WWP2: variants seen among roughly 807,000 people sequenced by gnomAD.
WWP2 encodes WW domain containing E3 ubiquitin protein ligase 2.
In WWP2, 57 loss-of-function variants were observed where a neutral mutation model predicts 121.0. The ratio of observed to expected loss-of-function variants is 0.47; its 90% CI spans 0.38 to 0.59. The LOEUF (loss-of-function observed/expected upper bound fraction) is 0.59. Ranked by LOEUF, WWP2 falls within the 20% of genes least tolerant of loss-of-function variation. The pLI, the probability that WWP2 is intolerant of heterozygous loss-of-function variation, is 0.00. For synonymous variants in WWP2, 449 were observed against 441.3 expected (o/e 1.02, Z -0.22); for missense variants, 962 against 1,158.9 (o/e 0.83, Z 2.47).
chr16:69,799,134 G>T lies in WWP2; in HGVS notation c.219-40G>T, dbSNP rs370130499. On this transcript the variant is annotated intron_variant, in intron 3 of 23. Transcript: ENST00000359154. The surrounding 1 kb of genome is among the most constrained non-coding windows in gnomAD (Gnocchi z 4.5). ...ATGTTTTCTTCTAAGTTATAGGAAT[G>T]ATCTGCTTGGATGTAATGAATCAGG... The T allele has an allele frequency of 3.3e-5, 52 of 1,586,396 alleles. No individual in the cohort carries two copies. The East Asian group carries it at 7.6e-4, about 23-fold the overall frequency.
At chr16:69,817,312 G>T (rs990025643) in intron 4 of WWP2, among the ~76,000 whole-genome samples, 2 of 152,106 alleles carry the variant, frequency 1.3e-5, no homozygotes, top group African/African-American at 2.4e-5. Context: ...GCAGTGGTGC[G>T]ATGTTGGCTC....
At chr16:69,795,659 T>TTG (rs1243365273) in intron 2 of WWP2, among the ~76,000 whole-genome samples, 1 of 132,572 alleles carries the variant, frequency 7.5e-6, no homozygotes, top group Non-Finnish European at 1.6e-5. Context: ...GTTTTTTTTT[T>TTG]TTTTTTTTTT....
chr16:69,895,312 G>T (rs7200168), intron 8 of WWP2, among the ~76,000 whole-genome samples: 5,656 of 152,298 alleles, frequency 0.037, 296 homozygotes, highest in African/African-American at 0.12. Flanking sequence ...ACACTGAGCT[G>T]CTCAAAACTA....
At chr16:69,811,889 A>G (rs1408730286) in intron 4 of WWP2, among the ~76,000 whole-genome samples, 1 of 152,208 alleles carries the variant, frequency 6.6e-6, no homozygotes, top group Admixed American at 6.5e-5. Flanking sequence ...TTTAGAGTAA[A>G]TTACAAACCT....
At chr16:69,886,691 C>A (rs1402106107) in intron 7 of WWP2, among the ~76,000 whole-genome samples, 1 of 152,158 alleles carries the variant, frequency 6.6e-6, no homozygotes, top group Non-Finnish European at 1.5e-5. Flanking sequence ...ACCTGGGAGG[C>A]AGAGGTTGCA....
chr16:69,798,789 A>T lies in WWP2; in HGVS notation c.178A>T (p.Ile60Phe), dbSNP rs767090543. The T allele has an allele frequency of 6.2e-7, 1 of 1,613,982 alleles. No homozygotes were observed. Among genetic ancestry groups the T allele is most frequent in the Non-Finnish European group, 8.5e-7 (1 of 1,180,022 alleles). The change falls in exon 3 of 24, where the codon ATT becomes TTT. Residue 60 changes from isoleucine to phenylalanine, a missense_variant. By Grantham distance (21) the Ile-to-Phe change is conservative. Transcript: ENST00000359154. ...TGAGACCAAGAAGACTGGGAAGCGCATTGGGAGCTCTGAGCTTCTCTGGAA... is the reference window on the plus strand; with the variant it reads ...TGAGACCAAGAAGACTGGGAAGCGCTTTGGGAGCTCTGAGCTTCTCTGGAA... ...PSETKKTGKR[I>F]GSSELLWNEI...
chr16:69,846,669 C>T (rs781247205), intron 6 of WWP2, among the ~76,000 whole-genome samples: 1 of 149,984 alleles, frequency 6.7e-6, no homozygotes, highest in Non-Finnish European at 1.5e-5. Flanking sequence ...TGCAGTGAGC[C>T]GAGATTGCGC....
chr16:69,837,910 C>G (rs1362774943), intron 4 of WWP2, among the ~76,000 whole-genome samples: 1 of 152,034 alleles, frequency 6.6e-6, no homozygotes, highest in Non-Finnish European at 1.5e-5. Flanking sequence ...TCAGAAGGAT[C>G]AAGAGAAGAA....
At chr16:69,815,497 AAAGG>A (rs2056471134) in intron 4 of WWP2, among the ~76,000 whole-genome samples, 1 of 151,802 alleles carries the variant, frequency 6.6e-6, no homozygotes, top group African/African-American at 2.4e-5. Flanking sequence ...AAAAAAAAAA[AAAGG>A]AGAGGGGCAG....
chr16:69,768,360 G>A (rs2038778098), intron 1 of WWP2, among the ~76,000 whole-genome samples: 1 of 152,150 alleles, frequency 6.6e-6, no homozygotes, highest in South Asian at 2.1e-4. Context: ...TATAATCCCA[G>A]CACTTTAGGA....
At chr16:69,874,155 C>T (rs2057693585) in intron 7 of WWP2, among the ~76,000 whole-genome samples, 2 of 152,308 alleles carry the variant, frequency 1.3e-5, no homozygotes, top group South Asian at 2.1e-4. Context: ...GCTTGATGTC[C>T]ATCTCTCCCC....
chr16:69,858,694 G>C (rs111632240), intron 6 of WWP2, among the ~76,000 whole-genome samples: 5 of 152,268 alleles, frequency 3.3e-5, no homozygotes, highest in African/African-American at 9.6e-5. Flanking sequence ...GTTAGTATTG[G>C]AATCAGAGAA....
intron 1 of WWP2, among the ~76,000 whole-genome samples, chr16:69,767,053 TC>T (rs1176608501): frequency 2.7e-5 from 4 of 150,548 alleles, no homozygotes; most frequent in African/African-American, 9.8e-5. Flanking sequence ...TTTTTTTTAA[TC>T]TTTTTGAAAA....
chr16:69,776,689 G>A (rs1209767997), intron 1 of WWP2, among the ~76,000 whole-genome samples: 4 of 152,126 alleles, frequency 2.6e-5, no homozygotes, highest in Non-Finnish European at 5.9e-5. Flanking sequence ...TTAGCTGGGC[G>A]TGGTGGTGCA....
intron 4 of WWP2, among the ~76,000 whole-genome samples, chr16:69,823,586 G>A (rs1302555057): frequency 6.6e-6 from 1 of 151,830 alleles, no homozygotes; most frequent in African/African-American, 2.4e-5. Context: ...TCCTGCCTCA[G>A]CCTCCCAAGT....
At position 69,917,894 on chromosome 16, in the gene WWP2, A is replaced by G. The variant is rs771891311; in HGVS notation, c.1179+11A>G. On this transcript the variant is annotated intron_variant, in intron 10 of 23. Coordinates refer to ENST00000359154, the MANE Select transcript of WWP2 (RefSeq NM_001270454.2). Reference sequence around the variant, plus strand: ...AGATTCCTCTACCAGGTGAGAGGGCAGGCGCTTGGCCCGAGGTGGGGCCGC... The same window carrying G: ...AGATTCCTCTACCAGGTGAGAGGGCGGGCGCTTGGCCCGAGGTGGGGCCGC... 2 of 1,606,246 alleles carry G rather than the reference A, an allele frequency of 1.2e-6. No homozygotes were observed. The highest frequency in any genetic ancestry group is 1.7e-6 in the Non-Finnish European group (2 of 1,173,526).
At chr16:69,866,909 C>T (rs1378916162) in intron 6 of WWP2, among the ~76,000 whole-genome samples, 1 of 151,992 alleles carries the variant, frequency 6.6e-6, no homozygotes, top group Non-Finnish European at 1.5e-5. Flanking sequence ...GCGATCTTGG[C>T]TCACTGAAAC....
intron 4 of WWP2, among the ~76,000 whole-genome samples, chr16:69,828,687 A>G (rs906004690): frequency 6.6e-6 from 1 of 152,028 alleles, no homozygotes; most frequent in Non-Finnish European, 1.5e-5. Context: ...TTTTAGTAGA[A>G]ATAGGGTTTT....
intron 6 of WWP2, among the ~76,000 whole-genome samples, chr16:69,864,272 G>A (rs2057479045): frequency 1.3e-5 from 2 of 152,102 alleles, no homozygotes; most frequent in African/African-American, 4.8e-5. Flanking sequence ...GGAGGTTGGG[G>A]TGGGAGGATT....
Sources: allele counts gnomAD v4.1 joint callset (sites outside exome capture counted in the v4.1 genomes callset), GRCh38; gene constraint gnomAD v4.1.1; non-coding constraint Gnocchi (gnomAD v3.1); transcripts MANE v1.5; gene names NCBI Gene and HGNC (gene_info 2026-07-23, HGNC 2026-07-21).